The following RAB38 variants were observed in gnomAD, a reference collection of about 807,000 sequenced individuals.
RAB38 encodes the protein RAB38, member RAS oncogene family, also known as ras-related protein Rab-38.
Under a neutral mutation model 18.4 loss-of-function variants are expected in RAB38, and 15 were observed. That is an observed-to-expected ratio of 0.82 (90% CI 0.55 to 1.26). The LOEUF (loss-of-function observed/expected upper bound fraction) is 1.26. Ranked by LOEUF, RAB38 falls within the 50% of genes most tolerant of loss-of-function variation. The pLI is 0.00. For missense variants in RAB38, 294 were observed against 267.4 expected, an observed-to-expected ratio of 1.10 and a Z score of -0.69; for synonymous variants, 101 against 104.4, an observed-to-expected ratio of 0.97 and a Z score of 0.20.
the RAB38 span, among the ~76,000 whole-genome samples, chr11:87,930,671 T>G: frequency 1.2e-4 from 19 of 152,094 alleles, no homozygotes; most frequent in Non-Finnish European, 1.8e-4. Context: ...ATTGCCTAGG[T>G]TTTCTTCTAG....
the RAB38 span, among the ~76,000 whole-genome samples, chr11:88,060,767 C>T: frequency 6.6e-6 from 1 of 152,094 alleles, no homozygotes; most frequent in Non-Finnish European, 1.5e-5. Flanking sequence ...TTGTAACAGC[C>T]AAAATTTTCT....
intron 2 of RAB38, among the ~76,000 whole-genome samples, chr11:88,119,953 A>G (rs892031267): frequency 2.6e-5 from 4 of 152,216 alleles, no homozygotes; most frequent in Non-Finnish European, 5.9e-5. Flanking sequence ...TATTGAGCAC[A>G]TAAGTGGCAA....
At chr11:87,902,530 T>C in the RAB38 span, among the ~76,000 whole-genome samples, 38 of 151,526 alleles carry the variant, frequency 2.5e-4, no homozygotes, top group Non-Finnish European at 4.6e-4. Context: ...ATAAAGCTTA[T>C]TCATTTCTAC....
At chr11:87,968,300 A>G in the RAB38 span, among the ~76,000 whole-genome samples, 431 of 152,264 alleles carry the variant, frequency 2.8e-3, 3 homozygotes, top group African/African-American at 9.8e-3. Context: ...ATTGTCCTCC[A>G]TATCCATTTT....
the RAB38 span, among the ~76,000 whole-genome samples, chr11:87,836,713 G>A: frequency 1.8e-3 from 269 of 152,230 alleles, 1 homozygote; most frequent in African/African-American, 6.1e-3. Flanking sequence ...TTGTGGCATA[G>A]TTTACTCAGT....
At chr11:87,936,099 A>G in the RAB38 span, among the ~76,000 whole-genome samples, 13 of 152,042 alleles carry the variant, frequency 8.6e-5, no homozygotes, top group South Asian at 1.2e-3. Flanking sequence ...TTCTCTTTTC[A>G]TCTTCTCAGT....
chr11:88,023,768 A>T, the RAB38 span, among the ~76,000 whole-genome samples: 1 of 152,154 alleles, frequency 6.6e-6, no homozygotes. Flanking sequence ...CATTTTTGAC[A>T]AAGGTGCCAA....
chr11:88,142,250 G>A (rs1942924276), intron 2 of RAB38, among the ~76,000 whole-genome samples: 1 of 152,206 alleles, frequency 6.6e-6, no homozygotes, highest in Non-Finnish European at 1.5e-5. Flanking sequence ...AAGGCTGCAT[G>A]CATGGCTTTG....
chr11:87,898,648 G>T, the RAB38 span, among the ~76,000 whole-genome samples: 1 of 151,576 alleles, frequency 6.6e-6, no homozygotes, highest in Non-Finnish European at 1.5e-5. Flanking sequence ...TATTTCTAGG[G>T]TTCCAAAAAT....
In RAB38 at chr11:88,140,370, G is replaced by A. The variant is rs920972345; in HGVS notation, c.483+9305C>T. 4.6e-5 allele frequency among the ~76,000 whole-genome samples: 7 copies of A among 152,256 alleles called. No homozygotes were observed. The East Asian group carries it at 5.8e-4, about 13-fold the overall frequency. The stretch of plus-strand genomic sequence containing the variant: ...ATCTAAGGACATAAATACTCCGCAC[G>A]GGCAGGGCCAAGAATAATAGAATAA... On this transcript the variant is annotated intron_variant, in intron 2 of 2. Coordinates refer to ENST00000243662, the MANE Select transcript of RAB38 (RefSeq NM_022337.3).
At chr11:87,858,453 G>A in the RAB38 span, among the ~76,000 whole-genome samples, 1 of 152,068 alleles carries the variant, frequency 6.6e-6, no homozygotes, top group Non-Finnish European at 1.5e-5. Flanking sequence ...AGCCTGTCAA[G>A]CAGATTGTTC....
At chr11:88,157,654 GT>G (rs1327641703) in intron 1 of RAB38, among the ~76,000 whole-genome samples, 1 of 152,090 alleles carries the variant, frequency 6.6e-6, no homozygotes, top group Non-Finnish European at 1.5e-5. Context: ...TTGAACCACA[GT>G]GGAATAAAAA....
chr11:87,892,283 T>G, the RAB38 span, among the ~76,000 whole-genome samples: 1 of 151,838 alleles, frequency 6.6e-6, no homozygotes, highest in Non-Finnish European at 1.5e-5. Context: ...TTCCTTGGTA[T>G]TTACTCCCCA....
chr11:87,940,177 AAAAGAG>A, the RAB38 span, among the ~76,000 whole-genome samples: 1 of 151,732 alleles, frequency 6.6e-6, no homozygotes, highest in African/African-American at 2.4e-5. Context: ...AAAAAAAAAA[AAAAGAG>A]AGAGAGAGGG....
intron 2 of RAB38, among the ~76,000 whole-genome samples, chr11:88,129,820 G>A (rs1329388793): frequency 6.6e-6 from 1 of 152,078 alleles, no homozygotes; most frequent in East Asian, 1.9e-4. Flanking sequence ...ACAGTTAAAT[G>A]AATTAGTGGT....
intron 1 of RAB38, among the ~76,000 whole-genome samples, chr11:88,152,828 T>C (rs572826706): frequency 6.6e-6 from 1 of 152,360 alleles, no homozygotes; most frequent in South Asian, 2.1e-4. Context: ...ATTTATGGAA[T>C]AGCTAATGTG....
intron 2 of RAB38, among the ~76,000 whole-genome samples, chr11:88,125,014 C>T (rs1942679043): frequency 1.3e-5 from 2 of 152,176 alleles, no homozygotes; most frequent in African/African-American, 4.8e-5. Flanking sequence ...ATGACGTGCT[C>T]TCTTCTCATA....
At chr11:87,934,056 C>A in the RAB38 span, among the ~76,000 whole-genome samples, 32 of 152,188 alleles carry the variant, frequency 2.1e-4, no homozygotes, top group African/African-American at 7.5e-4. Context: ...TCTTACACAG[C>A]CAATAACCTT....
the RAB38 span, among the ~76,000 whole-genome samples, chr11:88,029,304 G>A: frequency 7.3e-5 from 11 of 151,622 alleles, no homozygotes; most frequent in African/African-American, 2.7e-4. Flanking sequence ...ATCGAGACTA[G>A]GAAGAAACTG....
Sources: allele counts gnomAD v4.1 joint callset (sites outside exome capture counted in the v4.1 genomes callset), GRCh38; gene constraint gnomAD v4.1.1; transcripts MANE v1.5; gene names NCBI Gene and HGNC (gene_info 2026-07-23, HGNC 2026-07-21).